Variants in VPS33A observed in about 807,000 individuals in gnomAD.
The protein encoded by VPS33A is VPS33A core subunit of CORVET and HOPS complexes.
VPS33A carries 32 observed loss-of-function variants against 71.8 expected under a neutral mutation model. The ratio of observed to expected loss-of-function variants is 0.45; its 90% CI spans 0.34 to 0.60. The LOEUF (loss-of-function observed/expected upper bound fraction) is 0.60, where lower values mean the gene tolerates loss of function less well. Among genes scored for constraint, VPS33A ranks in the 20% least tolerant of loss-of-function variants. The probability of loss-of-function intolerance (pLI) is 0.02; values close to 1 mark genes in which losing one functional copy is unlikely to be tolerated. For synonymous variants in VPS33A, 311 were observed against 292.7 expected, an observed-to-expected ratio of 1.06 and a Z score of -0.64; for missense variants, 625 against 748.5, an observed-to-expected ratio of 0.84 and a Z score of 1.92.
At chr12:122,266,211 G>A (rs1323912338) in intron 1 of VPS33A, 96 bp downstream of exon 1, 3 of 1,523,180 alleles carry the variant, frequency 2.0e-6, no homozygotes, top group East Asian at 2.3e-5. Context: ...AAGCCCCAAG[G>A]ACCTCATAAA....
chr12:122,266,322 C>G lies in VPS33A; in HGVS notation c.87G>C (p.Lys29Asn). Residue 29 changes from lysine (K) to asparagine (N), a missense_variant, in exon 1 of 13, where the codon AAG becomes AAC. Transcript: ENST00000267199. ...CGCCCCTCACCTTGCTTCCTGCGCA[C>G]TTGTCCAGGAACTCGCGCAGCTCGC... ...VRRELREFLD[K>N]CAGSKAIVWD... 6.2e-7 allele frequency: 1 copy of G among 1,612,742 alleles called. No individual in the cohort carries two copies. The highest frequency in any genetic ancestry group is 8.5e-7 in the Non-Finnish European group (1 of 1,179,958).
At chr12:122,250,241 A>G in intron 5 of VPS33A, 196 bp from the exon 6 acceptor site, 1 of 558,272 alleles carries the variant, frequency 1.8e-6, no homozygotes, top group Non-Finnish European at 3.1e-6. Flanking sequence ...GGCAGCTGCC[A>G]TTTGCCAATG....
intron 8 of VPS33A, among the ~76,000 whole-genome samples, chr12:122,241,400 G>A (rs950785925): frequency 3.3e-5 from 5 of 152,074 alleles, no homozygotes; most frequent in East Asian, 2.0e-4. Context: ...CTGCCTCCCG[G>A]TTCAAGCAAT....
chr12:122,247,128 G>A (rs1954787089), intron 6 of VPS33A, among the ~76,000 whole-genome samples: 1 of 152,194 alleles, frequency 6.6e-6, no homozygotes, highest in African/African-American at 2.4e-5. Flanking sequence ...GGTAAGGTTG[G>A]AGGATAATAA....
At chr12:122,262,457 C>T (rs1354675339) in intron 3 of VPS33A, among the ~76,000 whole-genome samples, 1 of 152,196 alleles carries the variant, frequency 6.6e-6, no homozygotes, top group African/African-American at 2.4e-5. Context: ...GACTCCCACT[C>T]CTACTCTCCT....
intron 4 of VPS33A, among the ~76,000 whole-genome samples, chr12:122,256,227 TA>T (rs1235497385): frequency 1.3e-5 from 2 of 152,098 alleles, no homozygotes; most frequent in East Asian, 3.8e-4. Flanking sequence ...TTATGTACTA[TA>T]CCAGCGGTTC....
chr12:122,253,852 C>A (rs577550818), intron 4 of VPS33A, among the ~76,000 whole-genome samples: 1 of 151,916 alleles, frequency 6.6e-6, no homozygotes, highest in Non-Finnish European at 1.5e-5. Context: ...TGCCCACCAC[C>A]ATGCCTGGCT....
At chr12:122,261,537 AGGCAC>A in intron 3 of VPS33A, 90 bp from the exon 4 acceptor site, 4 of 1,214,166 alleles carry the variant, frequency 3.3e-6, no homozygotes, top group Non-Finnish European at 4.8e-6. Context: ...GGCACATAGC[AGGCAC>A]TAAATAAATG....
rs2136132187 is a variant in VPS33A, at chr12:122,244,575, T to A, written c.963A>T (p.Ala321=). The A allele has an allele frequency of 3.8e-6, 6 of 1,594,828 alleles. No individual in the cohort carries two copies. Among genetic ancestry groups the A allele is most frequent in the Non-Finnish European group, 5.2e-6 (6 of 1,164,340 alleles). ...CACCCAAAACTTGCCTCACCTCGAA[T>A]GCTGCAGAGATGATCTTTGCTTTCT... The part of the protein sequence containing the change: ...LSKKAKIISA[A]FEERHNAKTV... Residue 321 remains alanine (A), a synonymous_variant, in exon 7 of 13, where the codon GCA becomes GCT. Transcript: ENST00000267199.
At chr12:122,244,317 G>A (rs1048501122) in intron 7 of VPS33A, among the ~76,000 whole-genome samples, 12 of 152,306 alleles carry the variant, frequency 7.9e-5, no homozygotes, top group Non-Finnish European at 1.6e-4. Flanking sequence ...TATGATGGAA[G>A]TCTGTAAACT....
rs1954538661 is a variant in VPS33A at position 122,230,002 on chromosome 12, G to A, written c.*2244C>T. On this transcript the variant is annotated 3_prime_UTR_variant, in exon 13 of 13. Coordinates refer to ENST00000267199, the MANE Select transcript of VPS33A (RefSeq NM_022916.6). ...GAGCCCCAGGAACCAAAAAATGGAG[G>A]GGCAGGGTGGATTCCATTCTCTAAA... The A allele has an allele frequency of 6.6e-6, 1 of 152,140 alleles. No individual in the cohort carries two copies. Among genetic ancestry groups the A allele is most frequent in the South Asian group, 2.1e-4 (1 of 4,830 alleles). The allele number at this position is 152,140 out of a possible 1,614,324, so 9.4% of individuals were successfully genotyped here.
rs1437808708 is a variant in VPS33A at position 122,266,434 on chromosome 12, A to C, written c.-26T>G. The C allele has an allele frequency of 1.9e-6, 3 of 1,598,658 alleles. No homozygotes were observed. Among genetic ancestry groups the C allele is most frequent in the East Asian group, 2.3e-5 (1 of 44,238 alleles). On this transcript the variant is annotated 5_prime_UTR_variant, in exon 1 of 13. Coordinates refer to ENST00000267199, the MANE Select transcript of VPS33A (RefSeq NM_022916.6). ...CTTGCTCCACCACCCCCTGCCCCAC[A>C]ACGCCAACCGAGTCCGCCGGTTCCT... is the stretch of plus-strand genomic sequence containing the variant.
rs577299919 is a variant in VPS33A at position 122,235,862 on chromosome 12, G to A, written c.1364C>T (p.Pro455Leu). Residue 455 changes from proline to leucine, a missense_variant, in exon 11 of 13, where the codon CCG becomes CTG. Transcript: ENST00000267199. Reference protein sequence around the residue: ...HNLEKAGLLKPQTGGRNNYPT... With the variant: ...HNLEKAGLLKLQTGGRNNYPT... Reference sequence around the variant, plus strand: ...GTAATTGTTTCTGCCCCCCGTCTGCGGTTTCAGCAGGCCGGCCTTCTCCAG... The same window carrying A: ...GTAATTGTTTCTGCCCCCCGTCTGCAGTTTCAGCAGGCCGGCCTTCTCCAG... 1.4e-5 allele frequency: 23 copies of A among 1,613,508 alleles called. No homozygotes were observed. Among genetic ancestry groups the A allele is most frequent in the Non-Finnish European group, 1.8e-5 (21 of 1,179,848 alleles).
At chr12:122,250,836 G>A in intron 5 of VPS33A, 147 bp downstream of exon 5, 1 of 659,848 alleles carries the variant, frequency 1.5e-6, no homozygotes. Context: ...GGTTATAAGT[G>A]CATTTTAATC....
chr12:122,261,451 C>T lies in VPS33A; in HGVS notation c.297-4G>A, dbSNP rs753081113. On this transcript the variant is annotated splice_region_variant and splice_polypyrimidine_tract_variant and intron_variant, in intron 3 of 12. Transcript: ENST00000267199. ...CGTTGGGCCTCGTCTATCTTCACTG[C>T]AAAGGAAGCAACATTTGTTAGCTTA... 3.7e-6 allele frequency: 6 copies of T among 1,612,692 alleles called. No individual in the cohort carries two copies. In the South Asian group the frequency reaches 5.5e-5, roughly 15 times the overall value.
intron 6 of VPS33A, among the ~76,000 whole-genome samples, chr12:122,247,330 C>G (rs1010838425): frequency 2.0e-5 from 3 of 152,032 alleles, no homozygotes; most frequent in Non-Finnish European, 4.4e-5. Context: ...GCCTCTCCCC[C>G]CACCATTCCC....
Position 122,235,853 on chromosome 12 carries a change from C to T in VPS33A, c.1373G>A (p.Gly458Glu), listed in dbSNP as rs373143895. The T allele has an allele frequency of 4.3e-6, 7 of 1,613,586 alleles. No homozygotes were observed. The highest frequency in any genetic ancestry group is 3.3e-5 in the South Asian group (3 of 91,016). ...EKAGLLKPQT[G>E]GRNNYPTIRK... ...TATAGTTGGGTAATTGTTTCTGCCC[C>T]CCGTCTGCGGTTTCAGCAGGCCGGC... Residue 458 changes from glycine to glutamate, a missense_variant, in exon 11 of 13, where the codon GGG becomes GAG. Transcript: ENST00000267199.
chr12:122,247,583 C>T (rs546905726), intron 6 of VPS33A, among the ~76,000 whole-genome samples: 7 of 152,324 alleles, frequency 4.6e-5, no homozygotes, highest in African/African-American at 1.7e-4. Context: ...CCTCCTCATG[C>T]ATGTCTCTCT....
At chr12:122,249,760 C>A in intron 6 of VPS33A, 111 bp downstream of exon 6, 1 of 1,081,236 alleles carries the variant, frequency 9.2e-7, no homozygotes, top group Non-Finnish European at 1.3e-6. Context: ...TCATTAAAAT[C>A]GGATCTCTGA....
Sources: allele counts gnomAD v4.1 joint callset (sites outside exome capture counted in the v4.1 genomes callset), GRCh38; gene constraint gnomAD v4.1.1; transcripts MANE v1.5; gene names NCBI Gene and HGNC (gene_info 2026-07-23, HGNC 2026-07-21).